NAALADL2: variants seen among roughly 807,000 people sequenced by gnomAD.
NAALADL2 encodes N-acetylated alpha-linked acidic dipeptidase like 2.
NAALADL2 carries 76 observed loss-of-function variants against 87.2 expected under a neutral mutation model. The ratio of observed to expected loss-of-function variants is 0.87; its 90% confidence interval spans 0.72 to 1.05. NAALADL2 has a LOEUF of 1.05. Among genes scored for constraint, NAALADL2 ranks in the 50% least tolerant of loss-of-function variants. The pLI is 0.00. For missense variants in NAALADL2, 1,089 were observed against 945.8 expected, an observed-to-expected ratio of 1.15 and a Z score of -1.99; for synonymous variants, 354 against 331.0, an observed-to-expected ratio of 1.07 and a Z score of -0.75.
At chr3:174,613,623 G>A (rs951145732) in intron 2 of NAALADL2, among the ~76,000 whole-genome samples, 12 of 152,144 alleles carry the variant, frequency 7.9e-5, no homozygotes, top group African/African-American at 2.9e-4. Context: ...AAGTCCCTGG[G>A]GCTCTTCAGT....
intron 1 of NAALADL2, among the ~76,000 whole-genome samples, chr3:174,860,252 T>C (rs971069472): frequency 6.6e-6 from 1 of 152,154 alleles, no homozygotes; most frequent in Non-Finnish European, 1.5e-5. Context: ...AGTTAAATTA[T>C]ATTTTTCTTT....
chr3:174,827,962 C>T (rs1026833877), intron 3 of NAALADL2, among the ~76,000 whole-genome samples: 2 of 152,016 alleles, frequency 1.3e-5, no homozygotes, highest in African/African-American at 4.8e-5. Flanking sequence ...GCAAGAGGAT[C>T]GCTTGAGGCC....
At chr3:175,453,158 T>C (rs1721826098) in intron 6 of NAALADL2, among the ~76,000 whole-genome samples, 1 of 152,184 alleles carries the variant, frequency 6.6e-6, no homozygotes, top group Non-Finnish European at 1.5e-5. Flanking sequence ...TTTCTTAGCA[T>C]ATCATTTTTC....
chr3:175,026,270 T>G (rs968764768), intron 1 of NAALADL2, among the ~76,000 whole-genome samples: 6 of 152,162 alleles, frequency 3.9e-5, no homozygotes, highest in African/African-American at 7.2e-5. Context: ...TGTAATCTCA[T>G]GCACTTTGGA....
intron 2 of NAALADL2, among the ~76,000 whole-genome samples, chr3:174,585,889 C>G (rs1484359336): frequency 1.3e-5 from 2 of 152,128 alleles, no homozygotes; most frequent in Admixed American, 1.3e-4. Context: ...GTGATGAACT[C>G]CATAACTTTG....
chr3:174,853,241 G>A (rs1413964342), intron 3 of NAALADL2, among the ~76,000 whole-genome samples: 2 of 146,306 alleles, frequency 1.4e-5, no homozygotes, highest in African/African-American at 2.5e-5. Context: ...AGCCGGGTGT[G>A]GTGGCTCGCA....
chr3:175,069,607 TTCCTC>T (rs1376371235), intron 1 of NAALADL2, among the ~76,000 whole-genome samples: 1 of 151,012 alleles, frequency 6.6e-6, no homozygotes, highest in African/African-American at 2.4e-5. Flanking sequence ...AGTGTGGCGA[TTCCTC>T]AGGGATCTAG....
chr3:175,168,257 A>T (rs1267882217), intron 2 of NAALADL2, among the ~76,000 whole-genome samples: 1 of 151,900 alleles, frequency 6.6e-6, no homozygotes, highest in Non-Finnish European at 1.5e-5. Context: ...AGGCCACCTT[A>T]AGGAATCAAA....
chr3:174,783,268 G>T lies in NAALADL2; in HGVS notation c.-9+45522G>T, dbSNP rs896822808. 2.0e-5 allele frequency among the ~76,000 whole-genome samples: 3 copies of T among 152,164 alleles called. No homozygotes were observed. In the South Asian group the frequency reaches 6.2e-4, roughly 31 times the overall value. On this transcript the variant is annotated intron_variant, in intron 3 of 3. Coordinates refer to the NAALADL2 transcript ENST00000434257. ...GGCCCTAGTGGGGTAGAGGTATTTA[G>T]TAGAGTTTATTAAATGACTGTAGTC...
At chr3:175,446,343 G>A (rs1486957899) in intron 5 of NAALADL2, among the ~76,000 whole-genome samples, 1 of 152,070 alleles carries the variant, frequency 6.6e-6, no homozygotes, top group East Asian at 1.9e-4. Flanking sequence ...CCGAGTTCAA[G>A]CTATTCTCCT....
intron 10 of NAALADL2, among the ~76,000 whole-genome samples, chr3:175,580,171 T>G (rs913580528): frequency 1.3e-5 from 2 of 152,156 alleles, no homozygotes; most frequent in African/African-American, 4.8e-5. Context: ...CTAAATTTTT[T>G]TAAAGCTAGA....
intron 13 of NAALADL2, among the ~76,000 whole-genome samples, chr3:175,761,689 A>G (rs945088651): frequency 2.0e-5 from 3 of 152,150 alleles, no homozygotes; most frequent in Admixed American, 1.3e-4. Flanking sequence ...GATTTTAGCT[A>G]TTCTAATAGA....
intron 1 of NAALADL2, among the ~76,000 whole-genome samples, chr3:174,868,837 C>T (rs1471352066): frequency 6.6e-6 from 1 of 151,600 alleles, no homozygotes; most frequent in Non-Finnish European, 1.5e-5. Flanking sequence ...TGAGACTAGA[C>T]CTTGGGAGAG....
intron 5 of NAALADL2, among the ~76,000 whole-genome samples, chr3:175,388,103 G>A (rs1248181732): frequency 6.6e-6 from 1 of 152,010 alleles, no homozygotes; most frequent in Non-Finnish European, 1.5e-5. Context: ...AGGAAACTAT[G>A]ATCTCCTATC....
Position 174,797,305 on chromosome 3 carries a change from C to CTTT in NAALADL2, c.-9+59581_-9+59583dup, listed in dbSNP as rs1160338109. 1.3e-3 allele frequency among the ~76,000 whole-genome samples: 92 copies of CTTT among 72,730 alleles called. 2 individuals carry two copies. The highest frequency in any genetic ancestry group is 9.6e-3 in the Middle Eastern group (1 of 104). The allele number at this position is 72,730 out of a possible 152,430, so 47.7% of individuals were successfully genotyped here. ...CTTTTTTCTTTTGTTTTTCTTTTTTCTTTTTTTTTTTTTTTTTTTTTTTTG... is the reference window on the plus strand; with the variant it reads ...CTTTTTTCTTTTGTTTTTCTTTTTTCTTTTTTTTTTTTTTTTTTTTTTTTTTTG... On this transcript the variant is annotated intron_variant, in intron 3 of 3. Transcript: ENST00000434257.
At chr3:174,496,804 A>G (rs1718568375) in intron 1 of NAALADL2, among the ~76,000 whole-genome samples, 1 of 152,102 alleles carries the variant, frequency 6.6e-6, no homozygotes, top group Non-Finnish European at 1.5e-5. Flanking sequence ...TAACCTCCGT[A>G]ATTTTTGTGG....
At chr3:175,696,290 A>C (rs1161673334) in intron 11 of NAALADL2, among the ~76,000 whole-genome samples, 1 of 152,150 alleles carries the variant, frequency 6.6e-6, no homozygotes, top group Non-Finnish European at 1.5e-5. Flanking sequence ...AGTAACCATG[A>C]AGAAAGATGA....
intron 1 of NAALADL2, among the ~76,000 whole-genome samples, chr3:174,987,754 G>A (rs1284879427): frequency 7.0e-6 from 1 of 142,832 alleles, no homozygotes; most frequent in Admixed American, 6.9e-5. Flanking sequence ...AGCCTTCTGA[G>A]TAGCTAGGAC....
At chr3:175,531,908 C>T (rs890213084) in intron 9 of NAALADL2, among the ~76,000 whole-genome samples, 3 of 152,218 alleles carry the variant, frequency 2.0e-5, no homozygotes, top group Admixed American at 6.5e-5. Context: ...GCATCTTTCA[C>T]GTCCTTGATG....
Sources: allele counts gnomAD v4.1 joint callset (sites outside exome capture counted in the v4.1 genomes callset), GRCh38; gene constraint gnomAD v4.1.1; transcripts MANE v1.5; gene names NCBI Gene and HGNC (gene_info 2026-07-23, HGNC 2026-07-21).